Variants in PHF12 observed in about 807,000 individuals in gnomAD.
The protein encoded by PHF12 is PHD finger protein 12, also known as PHD factor 1.
PHF12 carries 6 observed loss-of-function variants against 99.8 expected under a neutral mutation model. That is an observed-to-expected ratio of 0.06 (90% CI 0.03 to 0.12). The LOEUF (loss-of-function observed/expected upper bound fraction) is 0.12. Ranked by LOEUF, PHF12 falls within the 10% of genes least tolerant of loss-of-function variation. The pLI, the probability that PHF12 is intolerant of heterozygous loss-of-function variation, is 1.00. For synonymous variants in PHF12, 480 were observed against 514.9 expected, an observed-to-expected ratio of 0.93 and a Z score of 0.92; for missense variants, 954 against 1,300.1, an observed-to-expected ratio of 0.73 and a Z score of 4.09.
intron 3 of PHF12, chr17:28,926,452 T>C (rs1184413108): frequency 4.2e-6 from 1 of 240,222 alleles, no homozygotes; most frequent in Non-Finnish European, 8.5e-6. Context: ...AATTTAGCTC[T>C]TGTTACCCAC....
chr17:28,923,037 CCT>C (rs2040193554), intron 4 of PHF12, among the ~76,000 whole-genome samples: 1 of 149,414 alleles, frequency 6.7e-6, no homozygotes, highest in Non-Finnish European at 1.5e-5. Flanking sequence ...TGCAGTGCAG[CCT>C]CTGTCTCAAA....
chr17:28,944,923 C>T (rs1426453110), intron 2 of PHF12: 1 of 152,128 alleles, frequency 6.6e-6, no homozygotes, highest in Non-Finnish European at 1.5e-5. Flanking sequence ...CTATCACTTG[C>T]CTGATACTAT....
intron 7 of PHF12, among the ~76,000 whole-genome samples, chr17:28,915,016 A>C (rs1305696204): frequency 6.6e-6 from 1 of 152,206 alleles, no homozygotes; most frequent in Non-Finnish European, 1.5e-5. Context: ...GAAATATTAC[A>C]ACACAAGGTA....
intron 7 of PHF12, among the ~76,000 whole-genome samples, chr17:28,914,436 G>A (rs2040023611): frequency 6.6e-6 from 1 of 152,068 alleles, no homozygotes; most frequent in South Asian, 2.1e-4. Context: ...ACTTTGGGAG[G>A]CCGAGGCGGG....
rs749652879 is a variant in PHF12 at position 28,950,303 on chromosome 17, G to GC, written c.67-58dup. ...ACTCGGAGCTCCCGGGCGGTCCGTC[G>GC]CCCCCCCGGCGCGGTTTCTCCGTCA... On this transcript the variant is annotated intron_variant, in intron 1 of 14. Coordinates refer to ENST00000332830, the MANE Select transcript of PHF12 (RefSeq NM_001033561.2). The surrounding 1 kb of genome is among the most constrained non-coding windows in gnomAD (Gnocchi z 5.7). 37 of 1,520,614 alleles carry GC rather than the reference G, an allele frequency of 2.4e-5. No homozygotes were observed. Among genetic ancestry groups the GC allele is most frequent in the Middle Eastern group, 1.9e-4 (1 of 5,290 alleles). The allele number at this position is 1,520,614 out of a possible 1,614,324, so 94.2% of individuals were successfully genotyped here. A position where few individuals can be genotyped will look rare whatever the true frequency, so the allele number is the denominator to read the frequency against.
chr17:28,950,859 G>A lies in PHF12; in HGVS notation c.66+36C>T, dbSNP rs1284714466. ...GGCGGAGGGCGGAGGTTCCCTCCCGGCGCTGGAGGAAGGAGATGAGGAGGG... is the reference window on the plus strand; with the variant it reads ...GGCGGAGGGCGGAGGTTCCCTCCCGACGCTGGAGGAAGGAGATGAGGAGGG... On this transcript the variant is annotated intron_variant, in intron 1 of 14. Coordinates refer to ENST00000332830, the MANE Select transcript of PHF12 (RefSeq NM_001033561.2). The surrounding 1 kb of genome is among the most constrained non-coding windows in gnomAD (Gnocchi z 5.7). The A allele has an allele frequency of 1.9e-6, 3 of 1,610,168 alleles. No individual in the cohort carries two copies. The highest frequency in any genetic ancestry group is 2.2e-5 in the South Asian group (2 of 90,826).
rs2040771325 is a variant in PHF12 at position 28,949,496 on chromosome 17, G to A, written c.248+569C>T. ...GCAAATCATATATGCAGCCAAAATG[G>A]CGCTGAGAATAAAAATATAATTTAA... On this transcript the variant is annotated intron_variant, in intron 2 of 14. Coordinates refer to ENST00000332830, the MANE Select transcript of PHF12 (RefSeq NM_001033561.2). The surrounding 1 kb of genome is among the most constrained non-coding windows in gnomAD (Gnocchi z 4.6). 6.6e-6 allele frequency among the ~76,000 whole-genome samples: 1 copy of A among 152,182 alleles called. No individual in the cohort carries two copies. Among genetic ancestry groups the A allele is most frequent in the African/African-American group, 2.4e-5 (1 of 41,458 alleles).
intron 2 of PHF12, among the ~76,000 whole-genome samples, chr17:28,943,636 T>TAAACAAAC (rs34269306): frequency 3.6e-4 from 54 of 151,528 alleles, no homozygotes; most frequent in African/African-American, 1.1e-3. Flanking sequence ...TCTCAAAAAA[T>TAAACAAAC]AAACAAACAA....
intron 7 of PHF12, among the ~76,000 whole-genome samples, chr17:28,916,456 A>G (rs1308529768): frequency 2.6e-5 from 4 of 152,242 alleles, no homozygotes; most frequent in Admixed American, 2.6e-4. Context: ...TTGGTCTCCC[A>G]AAGTGCTAGG....
At position 28,912,965 on chromosome 17, in the gene PHF12, T is replaced by C; in HGVS notation, c.1606A>G (p.Thr536Ala). The change falls in exon 9 of 15, where the codon ACT (threonine) becomes GCT (alanine). Residue 536 changes from threonine to alanine, a missense_variant. Coordinates refer to ENST00000332830, the MANE Select transcript of PHF12 (RefSeq NM_001033561.2). The part of the protein sequence containing the change: ...AEKSKKTPCG[T>A]ANGPVNTEVK... ...TCTGTGTTCACTGGCCCATTGGCAG[T>C]CCCACAAGGGGTTTTCTTGGATTTT... The C allele has an allele frequency of 1.9e-6, 3 of 1,614,204 alleles. No individual in the cohort carries two copies. Among genetic ancestry groups the C allele is most frequent in the Non-Finnish European group, 2.5e-6 (3 of 1,180,038 alleles).
Position 28,924,065 on chromosome 17 carries a change from TGTCTTC to T in PHF12, c.553_558del (p.Glu185_Asp186del). ...ACTGGTTCCTCATCCACGTCAATGA[TGTCTTC>T]GTCGACATCATTCTGCTCAGAGGTG... On this transcript the variant is annotated inframe_deletion, in exon 4 of 15. Coordinates refer to ENST00000332830, the MANE Select transcript of PHF12 (RefSeq NM_001033561.2). 1 of 1,614,228 alleles carries T rather than the reference TGTCTTC, an allele frequency of 6.2e-7. No homozygotes were observed. Among genetic ancestry groups the T allele is most frequent in the Non-Finnish European group, 8.5e-7 (1 of 1,180,034 alleles).
At chr17:28,939,911 G>GCTCA (rs1329895349) in intron 2 of PHF12, among the ~76,000 whole-genome samples, 1 of 152,140 alleles carries the variant, frequency 6.6e-6, no homozygotes, top group African/African-American at 2.4e-5. Context: ...GTCCTCTTTT[G>GCTCA]CTCACTCAAG....
chr17:28,921,908 G>C, intron 4 of PHF12, 100 bp from the exon 5 acceptor site: 2 of 1,525,110 alleles, frequency 1.3e-6, no homozygotes, highest in Admixed American at 3.8e-5. Context: ...TCTTAAGCAT[G>C]TGTCATGGCC....
In PHF12 at chr17:28,906,847, C is replaced by T. The variant is rs748986768; in HGVS notation, c.2680+9G>A. The T allele has an allele frequency of 1.3e-6, 2 of 1,590,876 alleles. No homozygotes were observed. Among genetic ancestry groups the T allele is most frequent in the Admixed American group, 3.5e-5 (2 of 57,550 alleles). ...AGCTTTGTGGCCACAGATCTCTGCT[C>T]CAACTTACTGATGACACTCTGCACT... On this transcript the variant is annotated intron_variant, in intron 14 of 14. Coordinates refer to ENST00000332830, the MANE Select transcript of PHF12 (RefSeq NM_001033561.2). The surrounding 1 kb of genome is among the most constrained non-coding windows in gnomAD (Gnocchi z 4.2).
At chr17:28,947,256 C>T (rs1253897943) in intron 2 of PHF12, among the ~76,000 whole-genome samples, 2 of 152,210 alleles carry the variant, frequency 1.3e-5, no homozygotes, top group East Asian at 3.8e-4. Context: ...GCTGGGATTA[C>T]AGGCGTGAGC....
At chr17:28,923,783 C>G in intron 4 of PHF12, 126 bp downstream of exon 4, 1 of 1,179,196 alleles carries the variant, frequency 8.5e-7, no homozygotes, top group Non-Finnish European at 1.2e-6. Context: ...TCTCTCCAAG[C>G]AGAACTAGGA....
chr17:28,925,537 A>T (rs2040256097), intron 3 of PHF12: 1 of 152,298 alleles, frequency 6.6e-6, no homozygotes, highest in Non-Finnish European at 1.5e-5. Context: ...GGTCCATGTG[A>T]AAGGTAAGAG....
intron 3 of PHF12, chr17:28,925,682 C>T (rs2040258916): frequency 6.6e-6 from 1 of 152,196 alleles, no homozygotes; most frequent in Non-Finnish European, 1.5e-5. Flanking sequence ...TTGGTTCTGT[C>T]AATACCTTTG....
In PHF12 at chr17:28,950,220, G is replaced by C. The variant is rs773297135; in HGVS notation, c.93C>G (p.Pro31=). The change falls in exon 2 of 15, where the codon CCC becomes CCG. Residue 31 remains proline (P), a synonymous_variant. Transcript: ENST00000332830. The surrounding 1 kb of genome is among the most constrained non-coding windows in gnomAD (Gnocchi z 5.7). ...TGCGCTTTTCTGCCTCGTCCGTCTT[G>C]GGGGGAGCCAGCAGAGCTTGGATTT... ...MEQIQALLAP[P]KTDEAEKRSR... 9.3e-6 allele frequency: 15 copies of C among 1,611,032 alleles called. No homozygotes were observed. In the African/African-American group the frequency reaches 2.0e-4, roughly 22 times the overall value.
Sources: gnomAD v4.1 joint callset for allele counts (sites outside exome capture counted in the v4.1 genomes callset) on GRCh38, gnomAD v4.1.1 for gene constraint, Gnocchi (gnomAD v3.1) non-coding constraint, MANE v1.5 for transcripts, NCBI Gene and HGNC (gene_info 2026-07-23, HGNC 2026-07-21) for gene names.